Variants in LAMC1 observed in about 807,000 individuals in gnomAD.
The protein encoded by LAMC1 is laminin subunit gamma 1, also known as laminin subunit gamma-1.
Under a neutral mutation model 173.6 loss-of-function variants are expected in LAMC1, and 38 were observed. That is an observed-to-expected ratio of 0.22 (90% CI 0.17 to 0.29). LAMC1 has a LOEUF of 0.29. Ranked by LOEUF, LAMC1 falls within the 10% of genes least tolerant of loss-of-function variation. The pLI is 1.00. For missense variants in LAMC1, 1,824 were observed against 2,051.8 expected (o/e 0.89, Z 2.14); for synonymous variants, 746 against 749.1 (o/e 1.00, Z 0.07).
At chr1:183,071,962 T>A (rs1234630425) in intron 1 of LAMC1, among the ~76,000 whole-genome samples, 1 of 152,228 alleles carries the variant, frequency 6.6e-6, no homozygotes. Flanking sequence ...AATGCAGTGT[T>A]ATGTTATAGA....
chr1:183,031,927 AG>A (rs1431922569), intron 1 of LAMC1, among the ~76,000 whole-genome samples: 1 of 149,810 alleles, frequency 6.7e-6, no homozygotes. Context: ...AGAAAAAAAA[AG>A]ATTAAAGAAA....
chr1:183,045,373 T>C (rs1233309069), intron 1 of LAMC1, among the ~76,000 whole-genome samples: 4 of 152,108 alleles, frequency 2.6e-5, no homozygotes, highest in Middle Eastern at 3.2e-3. Context: ...TATGTTTTAG[T>C]CTTTTGCTTT....
intron 1 of LAMC1, among the ~76,000 whole-genome samples, chr1:183,063,960 T>C (rs1278398374): frequency 6.6e-6 from 1 of 152,258 alleles, no homozygotes; most frequent in African/African-American, 2.4e-5. Context: ...TAATTTACTT[T>C]GAATGACAAA....
chr1:183,116,350 G>A (rs1438362681), intron 6 of LAMC1, among the ~76,000 whole-genome samples: 6 of 149,400 alleles, frequency 4.0e-5, no homozygotes, highest in South Asian at 2.1e-4. Context: ...GGTGGCGTGC[G>A]CCTGTAGTCC....
At chr1:183,138,072 G>A (rs911373806) in intron 26 of LAMC1, 7 of 314,220 alleles carry the variant, frequency 2.2e-5, no homozygotes, top group African/African-American at 6.8e-5. Flanking sequence ...TGCTTTACAC[G>A]TTTGAGGTTT....
At chr1:183,072,321 A>C (rs1655030481) in intron 1 of LAMC1, among the ~76,000 whole-genome samples, 1 of 152,226 alleles carries the variant, frequency 6.6e-6, no homozygotes, top group African/African-American at 2.4e-5. Context: ...CAGGGTCTGC[A>C]GACAGCTCTT....
chr1:183,025,199 G>T (rs187227516), intron 1 of LAMC1, among the ~76,000 whole-genome samples: 1 of 152,164 alleles, frequency 6.6e-6, no homozygotes, highest in Non-Finnish European at 1.5e-5. Context: ...GGGTAATTTT[G>T]TAAGGCTAAT....
At chr1:183,089,976 G>A (rs144732420) in intron 1 of LAMC1, among the ~76,000 whole-genome samples, 1 of 152,148 alleles carries the variant, frequency 6.6e-6, no homozygotes, top group East Asian at 1.9e-4. Flanking sequence ...AGTCAAAAGG[G>A]GCCCAGTTTA....
At chr1:183,024,232 C>T (rs1653619161) in intron 1 of LAMC1, 98 bp downstream of exon 1, 2 of 1,190,598 alleles carry the variant, frequency 1.7e-6, no homozygotes, top group South Asian at 1.6e-5. Flanking sequence ...CGCAGACGGC[C>T]GCGTGTTTGC....
At chr1:183,048,110 A>G (rs1034817747) in intron 1 of LAMC1, among the ~76,000 whole-genome samples, 3 of 152,116 alleles carry the variant, frequency 2.0e-5, no homozygotes, top group Non-Finnish European at 2.9e-5. Context: ...TTTTTTTCTA[A>G]AATATCAAAT....
chr1:183,064,225 C>T (rs1558036694), intron 1 of LAMC1, among the ~76,000 whole-genome samples: 1 of 152,068 alleles, frequency 6.6e-6, no homozygotes, highest in Non-Finnish European at 1.5e-5. Flanking sequence ...CAATGGAGTA[C>T]GTTCTGAGAA....
rs770238982 is a variant in LAMC1 at position 183,115,665 on chromosome 1, G to T, written c.1328+28G>T. 23 of 1,421,350 alleles carry T rather than the reference G, an allele frequency of 1.6e-5. No individual in the cohort carries two copies. In the South Asian group the frequency reaches 2.2e-4, roughly 13 times the overall value. The allele number at this position is 1,421,350 out of a possible 1,614,324, so 88.0% of individuals were successfully genotyped here. The stretch of plus-strand genomic sequence containing the variant: ...AAAATATTTTCAAAGCCAGAAGAAG[G>T]GGGCAGAATCTATATATAGTCAACA... On this transcript the variant is annotated intron_variant, in intron 6 of 27. Coordinates refer to ENST00000258341, the MANE Select transcript of LAMC1 (RefSeq NM_002293.4).
chr1:183,131,022 A>G (rs1034736188), intron 19 of LAMC1, among the ~76,000 whole-genome samples: 2 of 152,230 alleles, frequency 1.3e-5, no homozygotes, highest in East Asian at 3.9e-4. Flanking sequence ...TAAAAATACA[A>G]AATTAGCCGG....
intron 1 of LAMC1, among the ~76,000 whole-genome samples, chr1:183,053,027 A>G (rs909076840): frequency 6.6e-6 from 1 of 152,168 alleles, no homozygotes; most frequent in Non-Finnish European, 1.5e-5. Flanking sequence ...TGTTCTTCCT[A>G]GTGTTGGTTG....
chr1:183,104,848 G>A (rs1655928386), intron 2 of LAMC1, among the ~76,000 whole-genome samples: 1 of 152,060 alleles, frequency 6.6e-6, no homozygotes, highest in Admixed American at 6.6e-5. Context: ...TTGCAAAAAA[G>A]TGTTTCTTGC....
rs376016512 is a variant in LAMC1, at chr1:183,118,551, C to T, written c.1990+405C>T. Among the ~76,000 whole-genome samples, 12 of 152,040 alleles carry T rather than the reference C, an allele frequency of 7.9e-5. No individual in the cohort carries two copies. The South Asian group carries it at 1.2e-3, about 16-fold the overall frequency. The stretch of plus-strand genomic sequence containing the variant: ...CAGCCTGGCCAACATGGTGGAACCC[C>T]GTCTCTATTAAAAATACAAAAATTA... On this transcript the variant is annotated intron_variant, in intron 11 of 27. Transcript: ENST00000258341.
At chr1:183,142,464 C>A in intron 27 of LAMC1, 70 bp from the exon 28 acceptor site, 1 of 1,475,152 alleles carries the variant, frequency 6.8e-7, no homozygotes, top group Non-Finnish European at 9.1e-7. Context: ...GAGTCTAGTG[C>A]AGGTACTTGT....
intron 1 of LAMC1, among the ~76,000 whole-genome samples, chr1:183,096,151 T>A (rs1407416943): frequency 6.6e-6 from 1 of 152,192 alleles, no homozygotes; most frequent in Non-Finnish European, 1.5e-5. Flanking sequence ...AGTGCTGTGA[T>A]CTTATTTAAC....
At chr1:183,094,985 A>G (rs1052111354) in intron 1 of LAMC1, among the ~76,000 whole-genome samples, 1 of 152,110 alleles carries the variant, frequency 6.6e-6, no homozygotes, top group Non-Finnish European at 1.5e-5. Context: ...AGCTAGGATT[A>G]CAGGCACCTG....
Sources: allele counts gnomAD v4.1 joint callset (sites outside exome capture counted in the v4.1 genomes callset), GRCh38; gene constraint gnomAD v4.1.1; transcripts MANE v1.5; gene names NCBI Gene and HGNC (gene_info 2026-07-23, HGNC 2026-07-21).